The following GPATCH1 variants were observed in gnomAD, a reference collection of about 807,000 sequenced individuals.
GPATCH1 encodes the protein G-patch domain containing 1.
GPATCH1 carries 73 observed loss-of-function variants against 114.9 expected under a neutral mutation model. The ratio of observed to expected loss-of-function variants is 0.64; its 90% CI spans 0.53 to 0.77. The LOEUF is 0.77. Ranked by LOEUF, GPATCH1 falls within the 30% of genes least tolerant of loss-of-function variation. The pLI, the probability that GPATCH1 is intolerant of heterozygous loss-of-function variation, is 0.00. For synonymous variants in GPATCH1, 391 were observed against 428.4 expected (o/e 0.91, Z 1.08); for missense variants, 1,058 against 1,144.3 (o/e 0.92, Z 1.09).
Position 33,093,536 on chromosome 19 carries a change from G to A in GPATCH1, c.455+17G>A. 6.2e-7 allele frequency: 1 copy of A among 1,606,674 alleles called. No homozygotes were observed. Among genetic ancestry groups the A allele is most frequent in the Non-Finnish European group, 8.5e-7 (1 of 1,176,036 alleles). On this transcript the variant is annotated intron_variant, in intron 4 of 19. Transcript: ENST00000170564. ...GCCAGCAAAGTGAGCATTTCCTTCT[G>A]ACTGTCATGATCTTAGCACCGGTGT...
intron 17 of GPATCH1, 80 bp from the exon 18 acceptor site, chr19:33,125,025 C>T: frequency 1.4e-6 from 2 of 1,455,756 alleles, no homozygotes. Context: ...ATGCCTGATT[C>T]AGCAGTTTAG....
At chr19:33,119,239 C>A in intron 17 of GPATCH1, 122 bp downstream of exon 17, 2 of 535,426 alleles carry the variant, frequency 3.7e-6, no homozygotes, top group South Asian at 5.4e-5. Flanking sequence ...TGTTTTCAGT[C>A]ATATTTTAAA....
chr19:33,112,653 C>A, intron 13 of GPATCH1, 40 bp downstream of exon 13: 1 of 1,549,936 alleles, frequency 6.5e-7, no homozygotes, highest in Non-Finnish European at 8.8e-7. Context: ...AAAATGTATT[C>A]TTGATATTAA....
chr19:33,118,016 G>A lies in GPATCH1; in HGVS notation c.2388G>A (p.Leu796=), dbSNP rs943028850. ...ANFQSSQDTD[L]GETSSVAHAL... ...TCCAAAGCTCCCAAGACACTGACTT[G>A]GGGGAAACATCATCTGTGGCTCACG... Residue 796 remains leucine (L), a synonymous_variant, in exon 16 of 20, where the codon TTG becomes TTA. Coordinates refer to ENST00000170564, the MANE Select transcript of GPATCH1 (RefSeq NM_018025.3). The A allele has an allele frequency of 4.3e-6, 7 of 1,613,348 alleles. No homozygotes were observed. The African/African-American group carries it at 8.0e-5, about 18-fold the overall frequency.
Position 33,097,784 on chromosome 19 carries a change from A to G in GPATCH1, c.882A>G (p.Glu294=). Residue 294 remains glutamate (E), a synonymous_variant, in exon 8 of 20, where the codon GAA becomes GAG. Coordinates refer to ENST00000170564, the MANE Select transcript of GPATCH1 (RefSeq NM_018025.3). The part of the protein sequence containing the change: ...QAFGVGALEE[E]DDDIYATETL... ...TTGGTGTAGGTGCCCTGGAAGAGGA[A>G]GATGATGATATCTATGCCACAGAAA... The G allele has an allele frequency of 6.2e-7, 1 of 1,613,966 alleles. No homozygotes were observed. The highest frequency in any genetic ancestry group is 8.5e-7 in the Non-Finnish European group (1 of 1,179,864).
intron 17 of GPATCH1, among the ~76,000 whole-genome samples, chr19:33,120,172 A>C (rs1165278910): frequency 1.4e-5 from 2 of 141,122 alleles, no homozygotes; most frequent in African/African-American, 2.6e-5. Context: ...AAATAAATAT[A>C]TATTCATATA....
intron 11 of GPATCH1, among the ~76,000 whole-genome samples, 160 bp from the exon 12 acceptor site, chr19:33,111,564 C>A (rs1231745533): frequency 6.6e-6 from 1 of 151,946 alleles, no homozygotes; most frequent in African/African-American, 2.4e-5. Flanking sequence ...AAGGAAACAG[C>A]AATATTACCT....
intron 9 of GPATCH1, among the ~76,000 whole-genome samples, chr19:33,106,470 ATT>A (rs1972785768): frequency 6.6e-6 from 1 of 152,096 alleles, no homozygotes; most frequent in Non-Finnish European, 1.5e-5. Context: ...GTGGGAGGAT[ATT>A]CGAAATGCCT....
intron 18 of GPATCH1, among the ~76,000 whole-genome samples, chr19:33,125,548 C>A (rs1214748893): frequency 6.6e-6 from 1 of 151,862 alleles, no homozygotes; most frequent in African/African-American, 2.4e-5. Flanking sequence ...CCACACCCGG[C>A]TAATTTTTTG....
chr19:33,109,799 A>G lies in GPATCH1; in HGVS notation c.1368A>G (p.Lys456=), dbSNP rs762428757. ...AAATGAAGCAGGCAACTGACCTGAA[A>G]GCAGCTCAGCTCAAGGCCAGGAGTC... ...IKEMKQATDL[K]AAQLKARSLA... is the part of the protein sequence containing the mutation. Residue 456 remains lysine, a synonymous_variant, in exon 11 of 20, where the codon AAA becomes AAG. Coordinates refer to ENST00000170564, the MANE Select transcript of GPATCH1 (RefSeq NM_018025.3). 4 of 1,612,346 alleles carry G rather than the reference A, an allele frequency of 2.5e-6. No homozygotes were observed. The highest frequency in any genetic ancestry group is 3.4e-6 in the Non-Finnish European group (4 of 1,178,910).
chr19:33,112,368 A>C (rs1169697077), intron 12 of GPATCH1, 118 bp from the exon 13 acceptor site: 60 of 1,124,126 alleles, frequency 5.3e-5, no homozygotes, highest in Non-Finnish European at 7.4e-5. Flanking sequence ...TGGAGCATAA[A>C]TGTTATAGCA....
At chr19:33,114,978 T>C (rs1275903250) in intron 15 of GPATCH1, among the ~76,000 whole-genome samples, 1 of 151,248 alleles carries the variant, frequency 6.6e-6, no homozygotes, top group East Asian at 1.9e-4. Context: ...TGGCTAATTT[T>C]TGTATGTTTA....
intron 11 of GPATCH1, among the ~76,000 whole-genome samples, chr19:33,111,414 G>T (rs1972851860): frequency 6.6e-6 from 1 of 150,928 alleles, no homozygotes; most frequent in South Asian, 2.1e-4. Flanking sequence ...AAAGAGAGAT[G>T]GGGTTTCACC....
Position 33,118,017 on chromosome 19 carries a change from G to A in GPATCH1, c.2389G>A (p.Gly797Arg). Residue 797 changes from glycine to arginine, a missense_variant, in exon 16 of 20, where the codon GGG becomes AGG. Gly to Arg is a moderately radical substitution (Grantham distance 125). This residue lies in a region of GPATCH1 where 893 missense variants were observed against 977.4 expected (regional missense o/e 0.91). Transcript: ENST00000170564. ...CCAAAGCTCCCAAGACACTGACTTGGGGGAAACATCATCTGTGGCTCACGG... is the reference window on the plus strand; with the variant it reads ...CCAAAGCTCCCAAGACACTGACTTGAGGGAAACATCATCTGTGGCTCACGG... Reference protein sequence around the residue: ...NFQSSQDTDLGETSSVAHALV... With the variant: ...NFQSSQDTDLRETSSVAHALV... The A allele has an allele frequency of 6.2e-7, 1 of 1,613,520 alleles. No homozygotes were observed. The highest frequency in any genetic ancestry group is 8.5e-7 in the Non-Finnish European group (1 of 1,179,686).
In GPATCH1 at chr19:33,101,528, T is replaced by C; in HGVS notation, c.1034T>C (p.Ile345Thr). ...AAAGACCTTCGGTACGTTGGCAAAA[T>C]TTTGGATGGATTTTCCTTGGCTTCT... ...SEKDLRYVGK[I>T]LDGFSLASKP... Residue 345 changes from isoleucine (I) to threonine (T), a missense_variant, in exon 9 of 20, where the codon ATT becomes ACT. This residue lies in a region of GPATCH1 where 893 missense variants were observed against 977.4 expected (regional missense o/e 0.91). Coordinates refer to ENST00000170564, the MANE Select transcript of GPATCH1 (RefSeq NM_018025.3). The C allele has an allele frequency of 6.2e-7, 1 of 1,604,078 alleles. No homozygotes were observed. The highest frequency in any genetic ancestry group is 8.5e-7 in the Non-Finnish European group (1 of 1,171,034).
At chr19:33,102,290 G>A (rs62125281) in intron 9 of GPATCH1, among the ~76,000 whole-genome samples, 62,959 of 151,506 alleles carry the variant, frequency 0.42, 16,506 homozygotes, top group African/African-American at 0.73. Flanking sequence ...AGCCAAGATC[G>A]CACCATTGCA....
intron 4 of GPATCH1, 71 bp from the exon 5 acceptor site, chr19:33,094,101 G>C (rs1972627612): frequency 1.1e-6 from 1 of 871,950 alleles, no homozygotes; most frequent in Non-Finnish European, 2.0e-6. Flanking sequence ...CAGGAACTCA[G>C]AAGCCGCTTA....
At chr19:33,106,259 C>T (rs1972783487) in intron 9 of GPATCH1, among the ~76,000 whole-genome samples, 1 of 152,098 alleles carries the variant, frequency 6.6e-6, no homozygotes, top group East Asian at 1.9e-4. Context: ...CCATCTTGGC[C>T]TCCCAGAGTG....
intron 17 of GPATCH1, among the ~76,000 whole-genome samples, chr19:33,123,201 G>A (rs1442658290): frequency 6.6e-6 from 1 of 151,826 alleles, no homozygotes; most frequent in Non-Finnish European, 1.5e-5. Context: ...GGGAGTTTGG[G>A]ACCAGCCTGA....
Sources: gnomAD v4.1 joint callset for allele counts (sites outside exome capture counted in the v4.1 genomes callset) on GRCh38, gnomAD v4.1.1 for gene constraint, gnomAD v4.1.1 regional missense constraint, MANE v1.5 for transcripts, NCBI Gene and HGNC (gene_info 2026-07-23, HGNC 2026-07-21) for gene names.